Variants in LIPK observed in about 807,000 individuals in gnomAD.
LIPK encodes lipase member K.
Under a neutral mutation model 48.6 loss-of-function variants are expected in LIPK, and 32 were observed. The observed-to-expected ratio is 0.66, with a 90% CI of 0.50 to 0.88. The LOEUF (loss-of-function observed/expected upper bound fraction) is 0.88. Ranked by LOEUF, LIPK falls within the 40% of genes least tolerant of loss-of-function variation. The pLI is 0.00. For synonymous variants in LIPK, 164 were observed against 157.4 expected, an observed-to-expected ratio of 1.04 and a Z score of -0.32; for missense variants, 507 against 478.5, an observed-to-expected ratio of 1.06 and a Z score of -0.56.
intron 1 of LIPK, among the ~76,000 whole-genome samples, chr10:88,723,167 G>A (rs547037502): frequency 6.6e-6 from 1 of 152,072 alleles, no homozygotes; most frequent in Non-Finnish European, 1.5e-5. Flanking sequence ...TTACAGGCAT[G>A]AGCCATCATG....
intron 8 of LIPK, among the ~76,000 whole-genome samples, chr10:88,741,872 A>G (rs1487164211): frequency 1.3e-5 from 2 of 152,232 alleles, no homozygotes; most frequent in Non-Finnish European, 2.9e-5. Flanking sequence ...ATCAAGGTAT[A>G]TTAGTGTCTT....
chr10:88,737,274 C>G (rs1015731497), intron 6 of LIPK, among the ~76,000 whole-genome samples: 2 of 152,046 alleles, frequency 1.3e-5, no homozygotes, highest in African/African-American at 2.4e-5. Context: ...GAAAATTTTT[C>G]CATTTTATAG....
intron 2 of LIPK, among the ~76,000 whole-genome samples, chr10:88,725,220 A>G (rs1842313073): frequency 6.6e-6 from 1 of 152,246 alleles, no homozygotes. Context: ...TATCAGAACC[A>G]TAAAAAGAAC....
intron 1 of LIPK, among the ~76,000 whole-genome samples, chr10:88,720,272 A>AT (rs1263689209): frequency 6.6e-6 from 1 of 152,100 alleles, no homozygotes; most frequent in Non-Finnish European, 1.5e-5. Context: ...CATTATATAG[A>AT]TTTTTTTGGT....
At position 88,740,048 on chromosome 10, in the gene LIPK, A is replaced by T. The variant is rs776018509; in HGVS notation, c.869A>T (p.Asn290Ile). The change falls in exon 8 of 10, where the codon AAT becomes ATT. Residue 290 changes from asparagine (N) to isoleucine (I), a missense_variant. Physicochemically the swap from Asn to Ile is moderately radical, Grantham distance 149. Coordinates refer to ENST00000404190, the MANE Select transcript of LIPK (RefSeq NM_001080518.2). Reference sequence around the variant, plus strand: ...AATCCTGCGGGAACATCTGTTCAGAATATGCTGCACTGGGCTCAGGTAAGT... The same window carrying T: ...AATCCTGCGGGAACATCTGTTCAGATTATGCTGCACTGGGCTCAGGTAAGT... ...SHNPAGTSVQ[N>I]MLHWAQAVNS... is the part of the protein sequence containing the mutation. 1.9e-6 allele frequency: 3 copies of T among 1,612,654 alleles called. No individual in the cohort carries two copies. The highest frequency in any genetic ancestry group is 2.5e-6 in the Non-Finnish European group (3 of 1,179,110).
At chr10:88,738,341 G>A (rs1266140102) in intron 7 of LIPK, among the ~76,000 whole-genome samples, 1 of 152,170 alleles carries the variant, frequency 6.6e-6, no homozygotes. Context: ...AGGAGTTGGG[G>A]AAGGGAGGAG....
chr10:88,742,449 A>G (rs1360240500), intron 8 of LIPK, among the ~76,000 whole-genome samples: 1 of 152,280 alleles, frequency 6.6e-6, no homozygotes, highest in Non-Finnish European at 1.5e-5. Context: ...GCTAAGAAAG[A>G]AAAACACAGA....
chr10:88,736,135 C>G (rs1769693), intron 6 of LIPK, among the ~76,000 whole-genome samples: 118,704 of 151,386 alleles, frequency 0.78, 47,403 homozygotes, highest in East Asian at 1. Flanking sequence ...AGGGATGGAG[C>G]CAGGGAAAAA....
chr10:88,747,483 C>G (rs2790697), intron 9 of LIPK, among the ~76,000 whole-genome samples: 36,469 of 152,026 alleles, frequency 0.24, 4,541 homozygotes, highest in East Asian at 0.37. Flanking sequence ...CAATATGTTT[C>G]AGGCATCACA....
At chr10:88,751,490 G>A (rs1026691929) in intron 9 of LIPK, among the ~76,000 whole-genome samples, 21 of 152,088 alleles carry the variant, frequency 1.4e-4, no homozygotes, top group African/African-American at 5.1e-4. Flanking sequence ...GTCTCAAAGT[G>A]CTGGGATTAC....
rs1382483276 is a variant in LIPK, at chr10:88,752,636, C to A, written c.1080C>A (p.Asn360Lys). 10 of 1,572,684 alleles carry A rather than the reference C, an allele frequency of 6.4e-6. No individual in the cohort carries two copies. Among genetic ancestry groups the A allele is most frequent in the Admixed American group, 1.9e-5 (1 of 53,982 alleles). ...DVENLLPQIA[N>K]LIYYKLIPHY... ...AAAATTTACTTCCTCAAATTGCTAACCTTATTTATTACAAGCTGATTCCAC... is the reference window on the plus strand; with the variant it reads ...AAAATTTACTTCCTCAAATTGCTAAACTTATTTATTACAAGCTGATTCCAC... Residue 360 changes from asparagine to lysine, a missense_variant, in exon 10 of 10, where the codon AAC (asparagine) becomes AAA (lysine). Physicochemically the swap from Asn to Lys is moderately conservative, Grantham distance 94. Transcript: ENST00000404190.
rs777278848 is a variant in LIPK at position 88,752,575 on chromosome 10, G to A, written c.1019G>A (p.Gly340Asp). Reference protein sequence around the residue: ...KMEVPTAIWNGGQDIVADPKD... With the variant: ...KMEVPTAIWNDGQDIVADPKD... ...GAAGTTCCAACAGCAATATGGAATG[G>A]TGGACAGGACATTGTGGCTGATCCC... is the stretch of plus-strand genomic sequence containing the variant. Residue 340 changes from glycine (G) to aspartate (D), a missense_variant, in exon 10 of 10, where the codon GGT becomes GAT. Physicochemically the swap from Gly to Asp is moderately conservative, Grantham distance 94. Coordinates refer to ENST00000404190, the MANE Select transcript of LIPK (RefSeq NM_001080518.2). 2 of 1,571,800 alleles carry A rather than the reference G, an allele frequency of 1.3e-6. No homozygotes were observed. Among genetic ancestry groups the A allele is most frequent in the Non-Finnish European group, 1.7e-6 (2 of 1,155,632 alleles).
chr10:88,733,170 C>T lies in LIPK; in HGVS notation c.669+619C>T, dbSNP rs572391494. On this transcript the variant is annotated intron_variant, in intron 6 of 9. Coordinates refer to ENST00000404190, the MANE Select transcript of LIPK (RefSeq NM_001080518.2). ...CCCTCCTCCATCACTAAATGCCCAA[C>T]CTTGTTTCATTTCCTGACACTTTAC... Among the ~76,000 whole-genome samples the T allele has an allele frequency of 5.3e-5, 8 of 152,332 alleles. No homozygotes were observed. In the East Asian group the frequency reaches 1.5e-3, roughly 29 times the overall value.
intron 3 of LIPK, chr10:88,728,117 G>T: frequency 7.4e-6 from 2 of 270,434 alleles, no homozygotes; most frequent in Non-Finnish European, 1.5e-5. Context: ...AGAAGGATGT[G>T]GTTAAAGCTT....
At chr10:88,718,837 C>T (rs116406615) in intron 1 of LIPK, among the ~76,000 whole-genome samples, 8 of 152,108 alleles carry the variant, frequency 5.3e-5, no homozygotes, top group African/African-American at 1.9e-4. Flanking sequence ...GTACTCTATA[C>T]AGTGAAAAAT....
chr10:88,737,893 G>A lies in LIPK; in HGVS notation c.816+112G>A, dbSNP rs529550331. On this transcript the variant is annotated intron_variant, in intron 7 of 9. Transcript: ENST00000404190. ...ATTCAAGGTTTCCTTTTTGCATTTG[G>A]AATGTAATTAGTACATTTATGGCTT... 150 of 1,154,584 alleles carry A rather than the reference G, an allele frequency of 1.3e-4. 2 individuals carry two copies. In the South Asian group the frequency reaches 2.1e-3, roughly 16 times the overall value. 71.5% of individuals were successfully genotyped at this position (1,154,584 alleles called of 1,614,324 possible). A position where few individuals can be genotyped will look rare whatever the true frequency, so the allele number is the denominator to read the frequency against.
chr10:88,724,652 A>G lies in LIPK; in HGVS notation c.105+4A>G. The G allele has an allele frequency of 2.0e-6, 3 of 1,529,910 alleles. No homozygotes were observed. Among genetic ancestry groups the G allele is most frequent in the Non-Finnish European group, 2.6e-6 (3 of 1,146,618 alleles). 94.8% of individuals were successfully genotyped at this position (1,529,910 alleles called of 1,614,324 possible). ...CCCTGAAGCTAATATGAATATTGTA[A>G]GTCATTTATTCAGAAAAAAATGCTA... On this transcript the variant is annotated splice_donor_region_variant and intron_variant, in intron 2 of 9. Coordinates refer to ENST00000404190, the MANE Select transcript of LIPK (RefSeq NM_001080518.2).
chr10:88,709,443 C>G (rs997741195), intron 1 of LIPK, among the ~76,000 whole-genome samples: 3 of 151,708 alleles, frequency 2.0e-5, no homozygotes, highest in Admixed American at 2.0e-4. Flanking sequence ...TTGTCCCCCA[C>G]CCCCCGACAG....
chr10:88,710,851 A>C (rs574142757), intron 1 of LIPK, among the ~76,000 whole-genome samples: 11 of 152,310 alleles, frequency 7.2e-5, no homozygotes, highest in African/African-American at 2.4e-4. Context: ...GCTATCTCAC[A>C]GGATTTTCAG....
Sources: allele counts gnomAD v4.1 joint callset (sites outside exome capture counted in the v4.1 genomes callset), GRCh38; gene constraint gnomAD v4.1.1; transcripts MANE v1.5; gene names NCBI Gene and HGNC (gene_info 2026-07-23, HGNC 2026-07-21).